QTMAN: variants seen among roughly 807,000 people sequenced by gnomAD.
QTMAN encodes the protein queuosine-tRNA mannosyltransferase.
chr2:144,114,428 T>A, the QTMAN span, among the ~76,000 whole-genome samples: 1 of 152,340 alleles, frequency 6.6e-6, no homozygotes, highest in East Asian at 1.9e-4. Flanking sequence ...ACTGGCGATT[T>A]AGTGATATGG....
the QTMAN span, among the ~76,000 whole-genome samples, chr2:144,299,315 G>A: frequency 6.6e-6 from 1 of 152,050 alleles, no homozygotes; most frequent in Non-Finnish European, 1.5e-5. Context: ...GCCTCTATGT[G>A]AGTAAAGGGA....
the QTMAN span, among the ~76,000 whole-genome samples, chr2:144,332,981 C>T: frequency 5.9e-5 from 9 of 152,304 alleles, no homozygotes; most frequent in African/African-American, 2.2e-4. Context: ...TGGTCCACTC[C>T]CCGGCCTACT....
chr2:144,118,710 T>G, the QTMAN span, among the ~76,000 whole-genome samples: 1 of 151,874 alleles, frequency 6.6e-6, no homozygotes, highest in African/African-American at 2.4e-5. Flanking sequence ...GGAAACCCCG[T>G]CTCTGCTAAA....
chr2:144,130,203 A>G, the QTMAN span, among the ~76,000 whole-genome samples: 3 of 152,022 alleles, frequency 2.0e-5, no homozygotes, highest in Admixed American at 6.6e-5. Context: ...ACCTCTATAG[A>G]TAGCTGGTAA....
At chr2:144,182,808 A>AATATATATATAATATATATATAAT in the QTMAN span, among the ~76,000 whole-genome samples, 2 of 52,502 alleles carry the variant, frequency 3.8e-5, no homozygotes, top group Non-Finnish European at 6.8e-5. Flanking sequence ...TTATATATAT[A>AATATATATATAATATATATATAAT]ATATATATAT....
At chr2:144,008,754 C>T in the QTMAN span, among the ~76,000 whole-genome samples, 2 of 152,022 alleles carry the variant, frequency 1.3e-5, no homozygotes, top group Admixed American at 6.6e-5. Context: ...GAATCAAGAA[C>T]CCTCAAAGAA....
chr2:144,225,003 G>A, the QTMAN span, among the ~76,000 whole-genome samples: 1 of 152,254 alleles, frequency 6.6e-6, no homozygotes, highest in Middle Eastern at 3.4e-3. Context: ...GAAATACAGA[G>A]TTGAGGAAAT....
At chr2:144,282,348 T>A in the QTMAN span, among the ~76,000 whole-genome samples, 2 of 149,912 alleles carry the variant, frequency 1.3e-5, no homozygotes, top group African/African-American at 2.4e-5. Flanking sequence ...AAATATAATA[T>A]TGGTGAAATA....
At chr2:144,248,253 T>C in the QTMAN span, among the ~76,000 whole-genome samples, 2 of 152,262 alleles carry the variant, frequency 1.3e-5, no homozygotes, top group South Asian at 4.2e-4. Flanking sequence ...AAATATTTAG[T>C]GGACATGGAG....
At chr2:144,007,406 A>G in the QTMAN span, 8 of 1,613,264 alleles carry the variant, frequency 5.0e-6, no homozygotes, top group African/African-American at 1.3e-5. Flanking sequence ...CTGAATTAAA[A>G]TTCTTCAATA....
At chr2:144,059,315 T>G in the QTMAN span, among the ~76,000 whole-genome samples, 1 of 152,182 alleles carries the variant, frequency 6.6e-6, no homozygotes, top group African/African-American at 2.4e-5. Context: ...TTCAAGCCAT[T>G]CCTTTCTTCC....
chr2:144,107,927 C>T, the QTMAN span, among the ~76,000 whole-genome samples: 1 of 152,176 alleles, frequency 6.6e-6, no homozygotes, highest in Non-Finnish European at 1.5e-5. Flanking sequence ...GGCTTCATCC[C>T]TGGGATGCAA....
chr2:144,098,968 C>A, the QTMAN span, among the ~76,000 whole-genome samples: 3 of 151,910 alleles, frequency 2.0e-5, no homozygotes, highest in Non-Finnish European at 4.4e-5. Context: ...ATAATATTTA[C>A]TGAAAATCAA....
the QTMAN span, among the ~76,000 whole-genome samples, chr2:143,954,653 CTTG>C: frequency 6.6e-6 from 1 of 151,970 alleles, no homozygotes; most frequent in Non-Finnish European, 1.5e-5. Context: ...CTATTTTTGA[CTTG>C]TTATGATATA....
chr2:144,289,873 TA>T, the QTMAN span, among the ~76,000 whole-genome samples: 1 of 152,208 alleles, frequency 6.6e-6, no homozygotes, highest in East Asian at 1.9e-4. Context: ...ATTGTTCTGT[TA>T]AAAAGTATAG....
the QTMAN span, among the ~76,000 whole-genome samples, chr2:144,240,836 C>T: frequency 3.3e-5 from 5 of 152,238 alleles, no homozygotes; most frequent in Non-Finnish European, 5.9e-5. Flanking sequence ...CCTTGCCTCA[C>T]TGAGCACCCA....
the QTMAN span, among the ~76,000 whole-genome samples, chr2:144,224,755 G>A: frequency 6.6e-6 from 1 of 152,174 alleles, no homozygotes. Flanking sequence ...AGGAAGCTCT[G>A]TGCGACCACA....
At chr2:144,165,231 A>G in the QTMAN span, among the ~76,000 whole-genome samples, 3 of 152,022 alleles carry the variant, frequency 2.0e-5, no homozygotes, top group African/African-American at 7.2e-5. Context: ...TTAGCCAGGC[A>G]TGGTAGCATA....
the QTMAN span, among the ~76,000 whole-genome samples, chr2:144,299,136 A>G: frequency 1.3e-5 from 2 of 152,208 alleles, no homozygotes; most frequent in African/African-American, 4.8e-5. Context: ...AAGCATCAAT[A>G]TCCTGTGACC....
Sources: gnomAD v4.1 joint callset for allele counts (sites outside exome capture counted in the v4.1 genomes callset) on GRCh38, gnomAD v4.1.1 for gene constraint, MANE v1.5 for transcripts, NCBI Gene and HGNC (gene_info 2026-07-23, HGNC 2026-07-21) for gene names.